MYO16: variants seen among roughly 807,000 people sequenced by gnomAD.
The protein encoded by MYO16 is myosin XVI, also known as unconventional myosin-XVI.
Under a neutral mutation model 205.3 loss-of-function variants are expected in MYO16, and 94 were observed. That is an observed-to-expected ratio of 0.46 (90% CI 0.39 to 0.54). The LOEUF is 0.54. Among genes scored for constraint, MYO16 ranks in the 20% least tolerant of loss-of-function variants. The pLI is 0.00. For missense variants in MYO16, 2,315 were observed against 2,387.5 expected (o/e 0.97, Z 0.63); for synonymous variants, 988 against 954.0 (o/e 1.04, Z -0.66).
Position 109,179,497 on chromosome 13 carries a change from A to G in MYO16, c.5324-45A>G, listed in dbSNP as rs199971369. On this transcript the variant is annotated intron_variant, in intron 33 of 34. Coordinates refer to ENST00000457511, the MANE Select transcript of MYO16 (RefSeq NM_001198950.3). The stretch of plus-strand genomic sequence containing the variant: ...GAGTGCATGACTTACTTTATTTGGA[A>G]CAAGGAGACACTGCTTAACTCCCGA... The G allele has an allele frequency of 2.4e-6, 3 of 1,245,844 alleles. No individual in the cohort carries two copies. The East Asian group carries it at 7.0e-5, about 29-fold the overall frequency. The allele number at this position is 1,245,844 out of a possible 1,614,324, so 77.2% of individuals were successfully genotyped here. A position where few individuals can be genotyped will look rare whatever the true frequency, so the allele number is the denominator to read the frequency against.
chr13:108,850,875 C>T (rs1372679507), intron 10 of MYO16, among the ~76,000 whole-genome samples: 1 of 152,164 alleles, frequency 6.6e-6, no homozygotes, highest in Non-Finnish European at 1.5e-5. Flanking sequence ...CAGCCTAGTA[C>T]TTTCTCTGAC....
chr13:108,955,370 C>T (rs375868774), intron 16 of MYO16, among the ~76,000 whole-genome samples: 4 of 152,318 alleles, frequency 2.6e-5, no homozygotes, highest in South Asian at 2.1e-4. Flanking sequence ...CTCTCCCACA[C>T]CCCACTCCAG....
intron 27 of MYO16, among the ~76,000 whole-genome samples, chr13:109,079,348 G>A (rs1398157602): frequency 6.6e-6 from 1 of 151,064 alleles, no homozygotes; most frequent in African/African-American, 2.4e-5. Flanking sequence ...CAGAAATCTG[G>A]GATTTATTTA....
intron 9 of MYO16, among the ~76,000 whole-genome samples, chr13:108,828,981 G>A (rs548701326): frequency 2.0e-5 from 3 of 152,268 alleles, no homozygotes; most frequent in Non-Finnish European, 4.4e-5. Context: ...TTAGTACTTT[G>A]GTGAGTTTTG....
chr13:109,047,859 G>A (rs12430377), intron 24 of MYO16, among the ~76,000 whole-genome samples: 5,266 of 152,118 alleles, frequency 0.035, 132 homozygotes, highest in South Asian at 0.057. Flanking sequence ...TCAAATTACA[G>A]CAGCACAGCT....
chr13:109,065,112 C>G (rs142988759), intron 27 of MYO16, among the ~76,000 whole-genome samples: 137 of 152,268 alleles, frequency 9.0e-4, no homozygotes, highest in African/African-American at 2.6e-3. Context: ...TGCCTCTGTT[C>G]CTCCAGGTGA....
At chr13:108,503,714 C>A in the MYO16 span, among the ~76,000 whole-genome samples, 9 of 152,070 alleles carry the variant, frequency 5.9e-5, no homozygotes, top group Non-Finnish European at 1.3e-4. Flanking sequence ...TGAGGTGTTA[C>A]ATAGGATTAC....
chr13:108,610,779 G>A (rs1879143353), intron 1 of MYO16, among the ~76,000 whole-genome samples: 1 of 152,190 alleles, frequency 6.6e-6, no homozygotes, highest in African/African-American at 2.4e-5. Flanking sequence ...AGGCAGAAGA[G>A]AGGAGGAGAG....
chr13:109,082,669 T>C (rs1165398638), intron 27 of MYO16, among the ~76,000 whole-genome samples: 2 of 152,100 alleles, frequency 1.3e-5, no homozygotes, highest in Non-Finnish European at 2.9e-5. Flanking sequence ...ACCCCGTCTC[T>C]ACTAAAAATA....
chr13:108,989,307 T>C (rs1344206257), intron 20 of MYO16, among the ~76,000 whole-genome samples: 1 of 152,212 alleles, frequency 6.6e-6, no homozygotes, highest in African/African-American at 2.4e-5. Flanking sequence ...TATGTTTTCA[T>C]ATTACCTTTA....
At chr13:108,685,357 TG>T (rs1226446223) in intron 2 of MYO16, among the ~76,000 whole-genome samples, 2 of 152,120 alleles carry the variant, frequency 1.3e-5, no homozygotes, top group Non-Finnish European at 2.9e-5. Flanking sequence ...TCAGAAGTAC[TG>T]GCTACAACCT....
At chr13:108,756,132 AT>A (rs67409807) in intron 4 of MYO16, among the ~76,000 whole-genome samples, 5,278 of 152,240 alleles carry the variant, frequency 0.035, 307 homozygotes, top group African/African-American at 0.12. Context: ...CACATAGCAT[AT>A]GAGTTAATTT....
At chr13:108,686,933 C>T (rs1037360166) in intron 2 of MYO16, among the ~76,000 whole-genome samples, 8 of 152,166 alleles carry the variant, frequency 5.3e-5, no homozygotes, top group African/African-American at 1.7e-4. Flanking sequence ...ACAGCAGCAG[C>T]CCAGGCTTGA....
chr13:109,177,818 G>A (rs545568529), intron 33 of MYO16, among the ~76,000 whole-genome samples: 9 of 152,242 alleles, frequency 5.9e-5, no homozygotes, highest in South Asian at 4.1e-4. Flanking sequence ...ACCCAGCCCC[G>A]ACTTCTAATT....
intron 1 of MYO16, among the ~76,000 whole-genome samples, chr13:108,608,626 T>C (rs916841234): frequency 6.8e-6 from 1 of 147,062 alleles, no homozygotes; most frequent in Non-Finnish European, 1.5e-5. Context: ...CAGAAACAAA[T>C]ATCTGAACCC....
intron 16 of MYO16, among the ~76,000 whole-genome samples, chr13:108,957,216 T>C (rs1001842128): frequency 3.3e-5 from 5 of 151,728 alleles, no homozygotes; most frequent in Non-Finnish European, 7.4e-5. Context: ...AAACCCCGTC[T>C]CTACTAAAAA....
intron 2 of MYO16, among the ~76,000 whole-genome samples, chr13:108,675,924 G>C (rs1435187117): frequency 6.6e-6 from 1 of 152,164 alleles, no homozygotes; most frequent in African/African-American, 2.4e-5. Flanking sequence ...TATTTCTGCA[G>C]ATAAGGTTAC....
intron 15 of MYO16, among the ~76,000 whole-genome samples, chr13:108,901,877 T>C (rs1253278977): frequency 6.6e-6 from 1 of 152,160 alleles, no homozygotes. Context: ...ATAAACGTGG[T>C]AGGACCCACA....
chr13:108,820,277 A>C (rs1381529749), intron 7 of MYO16, 60 bp from the exon 8 acceptor site: 4 of 1,238,134 alleles, frequency 3.2e-6, no homozygotes, highest in African/African-American at 1.5e-5. Flanking sequence ...TGTATGACTT[A>C]CTGATGTATC....
Sources: allele counts gnomAD v4.1 joint callset (sites outside exome capture counted in the v4.1 genomes callset), GRCh38; gene constraint gnomAD v4.1.1; transcripts MANE v1.5; gene names NCBI Gene and HGNC (gene_info 2026-07-23, HGNC 2026-07-21).